The following CEP192 variants were observed in gnomAD, a reference collection of about 807,000 sequenced individuals.
CEP192 encodes centrosomal protein of 192 kDa.
A neutral mutation model predicts 271.8 loss-of-function variants in CEP192; 151 were observed. The observed-to-expected ratio is 0.56, with a 90% CI of 0.49 to 0.64. The LOEUF (loss-of-function observed/expected upper bound fraction) is 0.64, where lower values mean the gene tolerates loss of function less well. CEP192 is among the 30% of genes least tolerant of loss of function. The pLI is 0.00. For missense variants in CEP192, 2,910 were observed against 3,020.5 expected, an observed-to-expected ratio of 0.96 and a Z score of 0.86; for synonymous variants, 995 against 1,076.5, an observed-to-expected ratio of 0.92 and a Z score of 1.48.
rs764604458 is a variant in CEP192 at position 13,042,186 on chromosome 18, A to G, written c.1937-18A>G. 50 of 1,603,294 alleles carry G rather than the reference A, an allele frequency of 3.1e-5. No individual in the cohort carries two copies. Among genetic ancestry groups the G allele is most frequent in the South Asian group, 2.7e-4 (24 of 90,364 alleles). ...AATAGTGTATACTTATAAGTTGAAT[A>G]TTATATATTTCCTGCAGGAGATTTA... is the stretch of plus-strand genomic sequence containing the variant. On this transcript the variant is annotated intron_variant, in intron 14 of 44. Coordinates refer to ENST00000506447, the MANE Select transcript of CEP192 (RefSeq NM_032142.4).
At chr18:12,993,924 A>C (rs1047000594) in intron 1 of CEP192, among the ~76,000 whole-genome samples, 3 of 152,208 alleles carry the variant, frequency 2.0e-5, no homozygotes, top group African/African-American at 7.2e-5. Flanking sequence ...TTGTATTTCC[A>C]GTTCTCTGTC....
intron 18 of CEP192, among the ~76,000 whole-genome samples, chr18:13,055,346 G>A (rs879562482): frequency 4.6e-5 from 7 of 151,950 alleles, no homozygotes; most frequent in African/African-American, 4.8e-5. Context: ...GACAGATGGT[G>A]GGGTGGGGCC....
At position 13,049,375 on chromosome 18, in the gene CEP192, A is replaced by G; in HGVS notation, c.2584A>G (p.Asn862Asp). The change falls in exon 16 of 45, where the codon AAC becomes GAC. Residue 862 changes from asparagine to aspartate, a missense_variant. By Grantham distance (23) the Asn-to-Asp change is conservative (BLOSUM62 1). Transcript: ENST00000506447. ...SENQESFRTINSSNSVTNREN... is the reference protein window; with the variant it reads ...SENQESFRTIDSSNSVTNREN... ...GAATCAAGAGTCATTTAGAACCATA[A>G]ACTCCTCAAATTCAGTTACAAATAG... 1.9e-6 allele frequency: 3 copies of G among 1,614,154 alleles called. No individual in the cohort carries two copies. The highest frequency in any genetic ancestry group is 2.5e-6 in the Non-Finnish European group (3 of 1,180,018).
intron 1 of CEP192, among the ~76,000 whole-genome samples, chr18:12,998,347 A>G (rs893395611): frequency 1.3e-5 from 2 of 152,196 alleles, no homozygotes; most frequent in African/African-American, 2.4e-5. Context: ...TGCTGCCAAA[A>G]TGCATTGGAG....
intron 32 of CEP192, chr18:13,088,939 A>G: frequency 4.5e-6 from 2 of 442,888 alleles, no homozygotes; most frequent in African/African-American, 2.0e-5. Context: ...CAATTGGGAT[A>G]TAGAAATCAG....
intron 21 of CEP192, among the ~76,000 whole-genome samples, chr18:13,061,641 G>A (rs752513832): frequency 9.2e-5 from 14 of 151,954 alleles, no homozygotes; most frequent in Non-Finnish European, 1.5e-4. Flanking sequence ...TTTCTTTTTG[G>A]CTAAGTGCCA....
chr18:13,062,048 A>G (rs1406820910), intron 21 of CEP192, among the ~76,000 whole-genome samples: 5 of 152,198 alleles, frequency 3.3e-5, no homozygotes, highest in African/African-American at 1.2e-4. Context: ...AGCGGCTCAC[A>G]TATATCAGTG....
intron 9 of CEP192, among the ~76,000 whole-genome samples, chr18:13,028,012 A>G (rs1184058125): frequency 6.6e-6 from 1 of 152,206 alleles, no homozygotes; most frequent in South Asian, 2.1e-4. Context: ...ATTTCCTCAC[A>G]GTTATGGAGG....
intron 1 of CEP192, among the ~76,000 whole-genome samples, chr18:12,994,268 G>C (rs1022753279): frequency 3.9e-5 from 6 of 152,148 alleles, no homozygotes; most frequent in Non-Finnish European, 7.3e-5. Flanking sequence ...TTAATAATAA[G>C]AGATAAACTT....
In CEP192 at chr18:13,096,342, TTAGGTGC is replaced by T. The variant is rs766514560; in HGVS notation, c.6557+37_6557+43del. The T allele has an allele frequency of 2.1e-5, 33 of 1,594,536 alleles. No individual in the cohort carries two copies. The African/African-American group carries it at 4.3e-4, about 21-fold the overall frequency. Reference sequence around the variant, plus strand: ...ACTTCTGTGTTGCTCTGCGTGTTACTTAGGTGCTGGCTTGGTGACTTTCTAAAGATCA... The same window carrying T: ...ACTTCTGTGTTGCTCTGCGTGTTACTTGGCTTGGTGACTTTCTAAAGATCA... On this transcript the variant is annotated intron_variant, in intron 36 of 44. Transcript: ENST00000506447.
intron 11 of CEP192, among the ~76,000 whole-genome samples, chr18:13,035,737 T>G (rs548100415): frequency 6.6e-6 from 1 of 152,330 alleles, no homozygotes; most frequent in East Asian, 1.9e-4. Flanking sequence ...AGTCATAGAT[T>G]CCACAATGAA....
intron 1 of CEP192, among the ~76,000 whole-genome samples, chr18:12,993,558 C>T (rs1476146901): frequency 6.6e-6 from 1 of 152,230 alleles, no homozygotes. Context: ...TCATAGCTCA[C>T]TGCAGCCTCA....
Position 13,113,482 on chromosome 18 carries a change from T to G in CEP192, c.7048-104T>G, listed in dbSNP as rs192779385. 4.4e-6 allele frequency: 5 copies of G among 1,142,688 alleles called. No individual in the cohort carries two copies. In the Admixed American group the frequency reaches 8.9e-5, roughly 20 times the overall value. 70.8% of individuals were successfully genotyped at this position (1,142,688 alleles called of 1,614,324 possible). A position where few individuals can be genotyped will look rare whatever the true frequency, so the allele number is the denominator to read the frequency against. ...GCAAAACTAGCCAGTGCAAAAGCAT[T>G]TGTTCCTTTAATTTTTTTCATACCA... On this transcript the variant is annotated intron_variant, in intron 40 of 44. Coordinates refer to ENST00000506447, the MANE Select transcript of CEP192 (RefSeq NM_032142.4).
At chr18:13,032,907 C>T (rs934010726) in intron 11 of CEP192, among the ~76,000 whole-genome samples, 2 of 152,098 alleles carry the variant, frequency 1.3e-5, no homozygotes, top group Non-Finnish European at 1.5e-5. Context: ...TGTGGAATGA[C>T]GTAAAGCTGA....
intron 1 of CEP192, among the ~76,000 whole-genome samples, chr18:12,998,849 G>A (rs1303430410): frequency 6.6e-6 from 1 of 152,166 alleles, no homozygotes; most frequent in Non-Finnish European, 1.5e-5. Flanking sequence ...TTGTGCTGGT[G>A]TTTTCCAGAT....
chr18:13,087,591 C>T lies in CEP192; in HGVS notation c.5938C>T (p.Leu1980=). 1 of 1,586,978 alleles carries T rather than the reference C, an allele frequency of 6.3e-7. No homozygotes were observed. The change falls in exon 32 of 45, where the codon CTA becomes TTA. Residue 1980 remains leucine (L), a synonymous_variant. Transcript: ENST00000506447. ...AATCAATAATAAAACTGCAACAGAA[C>T]TATCAACTGTATACTTATTTGGTGG... is the stretch of plus-strand genomic sequence containing the variant. ...RGINNKTATE[L]STVYLFGGDE... is the part of the protein sequence containing the mutation.
At chr18:12,997,333 A>T (rs1379610556) in intron 1 of CEP192, among the ~76,000 whole-genome samples, 1 of 152,198 alleles carries the variant, frequency 6.6e-6, no homozygotes, top group Non-Finnish European at 1.5e-5. Context: ...CTGAACAAAG[A>T]GTTAAGTTAC....
intron 40 of CEP192, among the ~76,000 whole-genome samples, chr18:13,107,131 C>T (rs1391089508): frequency 6.6e-6 from 1 of 152,140 alleles, no homozygotes; most frequent in Non-Finnish European, 1.5e-5. Context: ...TCCCATTTTA[C>T]AGGTAGTAAG....
chr18:13,101,154 C>T (rs1382180097), intron 38 of CEP192, among the ~76,000 whole-genome samples: 2 of 152,180 alleles, frequency 1.3e-5, no homozygotes, highest in Admixed American at 1.3e-4. Context: ...TGAGCCACAG[C>T]TTCTAGTCAG....
Sources: allele counts gnomAD v4.1 joint callset (sites outside exome capture counted in the v4.1 genomes callset), GRCh38; gene constraint gnomAD v4.1.1; transcripts MANE v1.5; gene names NCBI Gene and HGNC (gene_info 2026-07-23, HGNC 2026-07-21).